The following TTC28 variants were observed in gnomAD, a reference collection of about 807,000 sequenced individuals.
TTC28 encodes the protein tetratricopeptide repeat protein 28.
TTC28 carries 61 observed loss-of-function variants against 198.0 expected under a neutral mutation model. The ratio of observed to expected loss-of-function variants is 0.31; its 90% CI spans 0.25 to 0.38. The LOEUF (loss-of-function observed/expected upper bound fraction) is 0.38. Ranked by LOEUF, TTC28 falls within the 10% of genes least tolerant of loss-of-function variation. TTC28 has a pLI of 1.00. For missense variants in TTC28, 2,678 were observed against 3,164.0 expected, an observed-to-expected ratio of 0.85 and a Z score of 3.69; for synonymous variants, 1,171 against 1,297.8, an observed-to-expected ratio of 0.90 and a Z score of 2.10.
chr22:28,100,820 GGAGA>G (rs1400863213), intron 9 of TTC28, among the ~76,000 whole-genome samples: 2 of 152,082 alleles, frequency 1.3e-5, no homozygotes, highest in African/African-American at 2.4e-5. Flanking sequence ...TGTAAAAGAG[GGAGA>G]GAGAGAAGTT....
chr22:28,162,243 A>G lies in TTC28; in HGVS notation c.1441+849T>C, dbSNP rs1457671062. ...TTTTAATTGTAACCAAGTACTATCA[A>G]AACAGTGAATGTAAATCTATCATCT... On this transcript the variant is annotated intron_variant, in intron 6 of 22. Coordinates refer to ENST00000397906, the MANE Select transcript of TTC28 (RefSeq NM_001145418.2). Among the ~76,000 whole-genome samples, 7 of 152,366 alleles carry G rather than the reference A, an allele frequency of 4.6e-5. No individual in the cohort carries two copies. The East Asian group carries it at 9.6e-4, about 21-fold the overall frequency.
chr22:28,045,532 T>C (rs566553021), intron 12 of TTC28, among the ~76,000 whole-genome samples: 1 of 152,342 alleles, frequency 6.6e-6, no homozygotes, highest in African/African-American at 2.4e-5. Context: ...TCAGTGTATA[T>C]AGCACCTATC....
chr22:28,638,134 T>C (rs1020088849), intron 1 of TTC28, among the ~76,000 whole-genome samples: 2 of 152,138 alleles, frequency 1.3e-5, no homozygotes, highest in African/African-American at 2.4e-5. Flanking sequence ...CTTTCAACAA[T>C]GGACAGATCA....
intron 22 of TTC28, among the ~76,000 whole-genome samples, chr22:27,984,965 G>A (rs1937160225): frequency 6.6e-6 from 1 of 152,196 alleles, no homozygotes; most frequent in South Asian, 2.1e-4. Context: ...ACAGAGGACA[G>A]GCACACCTGT....
At position 27,983,752 on chromosome 22, in the gene TTC28, TAACCC is replaced by T; in HGVS notation, c.5910_5914del (p.Gly1971ProfsTer52). On this transcript the variant is annotated frameshift_variant, in exon 23 of 23. Coordinates refer to ENST00000397906, the MANE Select transcript of TTC28 (RefSeq NM_001145418.2). LOFTEE classifies it low-confidence loss of function (END_TRUNC). ...GGTGGGAGAGAAGGGGGGTTGCTGG[TAACCC>T]AAGGGCAGGGCGTTGGAAACAGACT... 1 of 1,551,636 alleles carries T rather than the reference TAACCC, an allele frequency of 6.4e-7. No homozygotes were observed. The highest frequency in any genetic ancestry group is 8.7e-7 in the Non-Finnish European group (1 of 1,146,992).
intron 2 of TTC28, among the ~76,000 whole-genome samples, chr22:28,405,305 GT>G (rs911328693): frequency 6.6e-6 from 1 of 152,118 alleles, no homozygotes; most frequent in African/African-American, 2.4e-5. Context: ...ATGGTAAAGT[GT>G]TATTTCTATT....
At chr22:28,383,887 G>A (rs954861758) in intron 2 of TTC28, among the ~76,000 whole-genome samples, 1 of 152,120 alleles carries the variant, frequency 6.6e-6, no homozygotes, top group African/African-American at 2.4e-5. Flanking sequence ...CAAAACCTCT[G>A]ATGTCCTCCT....
intron 22 of TTC28, 127 bp from the exon 23 acceptor site, chr22:27,983,978 T>C: frequency 9.9e-7 from 1 of 1,011,106 alleles, no homozygotes; most frequent in Non-Finnish European, 1.4e-6. Context: ...GCTACTCATA[T>C]TAATCTTACA....
chr22:27,983,533 G>T lies in TTC28; in HGVS notation c.6134C>A (p.Thr2045Asn). ...TLPRSQLPPQTRPAGNKDEEE... is the reference protein window; with the variant it reads ...TLPRSQLPPQNRPAGNKDEEE... ...TTCATCTTTGTTGCCTGCAGGGCGG[G>T]TCTGGGGAGGCAGCTGGCTCCTAGG... Residue 2045 changes from threonine to asparagine, a missense_variant, in exon 23 of 23, where the codon ACC (threonine) becomes AAC (asparagine). Physicochemically the swap from Thr to Asn is moderately conservative, Grantham distance 65 (BLOSUM62 0). This residue lies in a region of TTC28 where 622 missense variants were observed against 656.0 expected (regional missense o/e 0.95). Coordinates refer to ENST00000397906, the MANE Select transcript of TTC28 (RefSeq NM_001145418.2). 6.4e-7 allele frequency: 1 copy of T among 1,551,350 alleles called. No individual in the cohort carries two copies. Among genetic ancestry groups the T allele is most frequent in the Non-Finnish European group, 8.7e-7 (1 of 1,146,906 alleles).
rs1223674885 is a variant in TTC28, at chr22:28,085,102, G to A, written c.3932+8978C>T. ...AAAACACTCTGCAGGATATTATCCA[G>A]GAGAACTTCCCCAATCTAGCAAGGC... is the stretch of plus-strand genomic sequence containing the variant. On this transcript the variant is annotated intron_variant, in intron 12 of 22. Coordinates refer to ENST00000397906, the MANE Select transcript of TTC28 (RefSeq NM_001145418.2). Among the ~76,000 whole-genome samples the A allele has an allele frequency of 8.5e-5, 13 of 152,194 alleles. 1 individual carries two copies. The highest frequency in any genetic ancestry group is 3.1e-4 in the African/African-American group (13 of 41,550).
intron 6 of TTC28, among the ~76,000 whole-genome samples, chr22:28,111,638 C>A (rs942751376): frequency 2.0e-5 from 3 of 152,040 alleles, no homozygotes. Context: ...TCAATAATTA[C>A]GAACAGAGCC....
rs1239356245 is a variant in TTC28, at chr22:28,524,973, T to G, written c.381+104579A>C. 3.9e-5 allele frequency among the ~76,000 whole-genome samples: 6 copies of G among 152,250 alleles called. No individual in the cohort carries two copies. The East Asian group carries it at 7.7e-4, about 20-fold the overall frequency. On this transcript the variant is annotated intron_variant, in intron 2 of 22. Coordinates refer to ENST00000397906, the MANE Select transcript of TTC28 (RefSeq NM_001145418.2). Reference sequence around the variant, plus strand: ...TAATGAATTATTCAAAATCATATTTTGTTAATTTCAATAACCATAAAATGT... The same window carrying G: ...TAATGAATTATTCAAAATCATATTTGGTTAATTTCAATAACCATAAAATGT...
intron 1 of TTC28, among the ~76,000 whole-genome samples, chr22:28,638,874 C>T (rs2051316552): frequency 6.6e-6 from 1 of 152,134 alleles, no homozygotes; most frequent in Non-Finnish European, 1.5e-5. Context: ...CTATATTGCC[C>T]AAGCAGGTCT....
chr22:28,176,895 A>T (rs1480481380), intron 5 of TTC28, among the ~76,000 whole-genome samples: 1 of 152,232 alleles, frequency 6.6e-6, no homozygotes, highest in African/African-American at 2.4e-5. Context: ...TTTAACAAAA[A>T]TTAACTGGAA....
chr22:28,170,256 G>A (rs1196418719), intron 5 of TTC28, among the ~76,000 whole-genome samples: 4 of 152,114 alleles, frequency 2.6e-5, no homozygotes, highest in Non-Finnish European at 5.9e-5. Flanking sequence ...GGAAGGCTGA[G>A]GCAGGCGGAT....
intron 1 of TTC28, among the ~76,000 whole-genome samples, chr22:28,660,816 G>A (rs370603280): frequency 2.9e-4 from 44 of 149,352 alleles, no homozygotes; most frequent in African/African-American, 8.6e-4. Context: ...GAGCCACCGC[G>A]GCTGGCCAAT....
chr22:28,361,574 A>G (rs762871992), intron 2 of TTC28, among the ~76,000 whole-genome samples: 4 of 152,202 alleles, frequency 2.6e-5, no homozygotes, highest in Non-Finnish European at 5.9e-5. Flanking sequence ...AAAGCATGAG[A>G]TGAAACATTA....
chr22:28,178,327 C>T (rs1030325353), intron 5 of TTC28, among the ~76,000 whole-genome samples: 1 of 149,420 alleles, frequency 6.7e-6, no homozygotes, highest in Non-Finnish European at 1.5e-5. Flanking sequence ...ATTAGCCAAG[C>T]CTAGTGGCAC....
chr22:28,423,146 C>A (rs1001280799), intron 2 of TTC28, among the ~76,000 whole-genome samples: 4 of 152,192 alleles, frequency 2.6e-5, no homozygotes, highest in Non-Finnish European at 5.9e-5. Context: ...AATCCCAGCA[C>A]TTTGGGAGGC....
Sources: allele counts gnomAD v4.1 joint callset (sites outside exome capture counted in the v4.1 genomes callset), GRCh38; gene constraint gnomAD v4.1.1; regional missense constraint gnomAD v4.1.1; transcripts MANE v1.5; gene names NCBI Gene and HGNC (gene_info 2026-07-23, HGNC 2026-07-21).